FRMPD4: variants seen among roughly 807,000 people sequenced by gnomAD.
FRMPD4 encodes FERM and PDZ domain-containing protein 4.
A neutral mutation model predicts 94.1 loss-of-function variants in FRMPD4; 22 were observed. That is an observed-to-expected ratio of 0.23 (90% confidence interval 0.17 to 0.33). FRMPD4 has a LOEUF of 0.33. FRMPD4 is among the 10% of genes least tolerant of loss of function. The pLI is 1.00. For synonymous variants in FRMPD4, 631 were observed against 548.6 expected (o/e 1.15, Z -2.10); for missense variants, 1,111 against 1,339.9 (o/e 0.83, Z 2.67).
At chrX:12,590,665 A>T (rs1228691502) in intron 2 of FRMPD4, among the ~76,000 whole-genome samples, 1 of 112,234 alleles carries the variant, frequency 8.9e-6, no homozygotes, top group Non-Finnish European at 1.9e-5. Flanking sequence ...ATTATATGCC[A>T]TACACTGTCA....
intron 3 of FRMPD4, among the ~76,000 whole-genome samples, chrX:11,898,466 C>A (rs971085580): frequency 1.8e-5 from 2 of 111,634 alleles, no homozygotes; most frequent in African/African-American, 3.3e-5. Flanking sequence ...ACTCTAGATG[C>A]AGTCCCTGGA....
At chrX:12,261,099 A>G (rs531943273) in intron 1 of FRMPD4, among the ~76,000 whole-genome samples, 2 of 111,757 alleles carry the variant, frequency 1.8e-5, no homozygotes, top group East Asian at 5.6e-4. Context: ...CAGTTTCTGA[A>G]GCATAGTAGA....
intron 2 of FRMPD4, among the ~76,000 whole-genome samples, chrX:12,559,656 A>G (rs982934547): frequency 9.1e-6 from 1 of 109,646 alleles, no homozygotes; most frequent in African/African-American, 3.3e-5. Context: ...TCTCAAGGAA[A>G]AAAAAAAACA....
Position 12,194,425 on chromosome X carries a change from TTA to T in FRMPD4, c.41+55414_41+55415del, listed in dbSNP as rs767804326. Among the ~76,000 whole-genome samples, 37 of 90,336 alleles carry T rather than the reference TTA, an allele frequency of 4.1e-4. No individual in the cohort carries two copies. In the South Asian group the frequency reaches 0.017, roughly 41 times the overall value. The allele number at this position is 90,336 out of a possible 115,157, so 78.4% of individuals were successfully genotyped here. A position where few individuals can be genotyped will look rare whatever the true frequency, so the allele number is the denominator to read the frequency against. ...ACACATCACTGTTTTGTTCTAGTTA[TTA>T]AAAAAAAAAAAGGTAGCAGAGGTGA... On this transcript the variant is annotated intron_variant, in intron 1 of 16. Coordinates refer to ENST00000675598, the MANE Select transcript of FRMPD4 (RefSeq NM_001368397.1).
At chrX:12,095,773 A>G (rs1601934788) in intron 3 of FRMPD4, among the ~76,000 whole-genome samples, 2 of 112,449 alleles carry the variant, frequency 1.8e-5, no homozygotes, top group Middle Eastern at 9.2e-3. Context: ...TTCTTCCTCT[A>G]GAACAGCAAA....
At chrX:12,465,568 A>G (rs1359399111) in intron 1 of FRMPD4, among the ~76,000 whole-genome samples, 3 of 111,678 alleles carry the variant, frequency 2.7e-5, no homozygotes, top group Non-Finnish European at 3.8e-5. Context: ...CCACTGCCCT[A>G]TGTGCCTCAA....
intron 1 of FRMPD4, among the ~76,000 whole-genome samples, chrX:12,212,048 T>C (rs762815353): frequency 3.2e-4 from 36 of 111,655 alleles, no homozygotes; most frequent in Admixed American, 7.6e-4. Context: ...TGGCAGAAAC[T>C]TCCAGTTCCT....
intron 1 of FRMPD4, among the ~76,000 whole-genome samples, chrX:12,369,997 G>T (rs2056140768): frequency 1.8e-5 from 2 of 112,052 alleles, no homozygotes; most frequent in Non-Finnish European, 3.8e-5. Flanking sequence ...AATGGCTCTG[G>T]TTTTTTTATT....
chrX:12,464,674 G>T (rs2057430427), intron 1 of FRMPD4, among the ~76,000 whole-genome samples: 1 of 111,840 alleles, frequency 8.9e-6, no homozygotes, highest in Non-Finnish European at 1.9e-5. Context: ...GACGGCAAGG[G>T]CAAGTTATAT....
At chrX:12,201,568 C>T (rs1005236456) in intron 1 of FRMPD4, among the ~76,000 whole-genome samples, 5 of 111,912 alleles carry the variant, frequency 4.5e-5, no homozygotes, top group Non-Finnish European at 5.6e-5. Flanking sequence ...TGCATTAGCA[C>T]GTCAGAGGTG....
At chrX:12,329,613 CAG>C (rs764545360) in intron 1 of FRMPD4, among the ~76,000 whole-genome samples, 2 of 110,750 alleles carry the variant, frequency 1.8e-5, no homozygotes, top group Non-Finnish European at 3.8e-5. Context: ...CATCAGGAGT[CAG>C]AGAGACTTTC....
chrX:12,453,879 C>A (rs930649521), intron 1 of FRMPD4, among the ~76,000 whole-genome samples: 15 of 112,041 alleles, frequency 1.3e-4, no homozygotes, highest in Non-Finnish European at 2.6e-4. Context: ...GTTCTACGCT[C>A]CTCAATCGAA....
At chrX:12,111,169 A>G (rs995478761) in intron 3 of FRMPD4, among the ~76,000 whole-genome samples, 1 of 111,893 alleles carries the variant, frequency 8.9e-6, no homozygotes, top group East Asian at 2.8e-4. Flanking sequence ...ACTTCAAACT[A>G]TACTACAAGG....
At chrX:12,643,867 A>G (rs2059522566) in intron 4 of FRMPD4, among the ~76,000 whole-genome samples, 1 of 112,071 alleles carries the variant, frequency 8.9e-6, no homozygotes, top group African/African-American at 3.2e-5. Context: ...TCCCATTGGA[A>G]TCATCACATG....
At chrX:12,074,248 C>G (rs953109610) in intron 3 of FRMPD4, among the ~76,000 whole-genome samples, 1 of 111,558 alleles carries the variant, frequency 9.0e-6, no homozygotes, top group Non-Finnish European at 1.9e-5. Context: ...AAAAGATCAC[C>G]ACTACTGCTA....
intron 2 of FRMPD4, among the ~76,000 whole-genome samples, chrX:12,581,348 C>A (rs2058862594): frequency 8.9e-6 from 1 of 111,822 alleles, no homozygotes; most frequent in South Asian, 3.8e-4. Context: ...TGAGCATAAC[C>A]ATCCTCAATG....
intron 2 of FRMPD4, among the ~76,000 whole-genome samples, chrX:12,560,477 G>GAAAA (rs199808235): frequency 2.4e-5 from 2 of 82,866 alleles, no homozygotes; most frequent in South Asian, 6.6e-4. Context: ...CTTTAAAAAT[G>GAAAA]AAAAAAAAAA....
chrX:12,542,524 C>T (rs922040111), intron 2 of FRMPD4, among the ~76,000 whole-genome samples: 3 of 112,029 alleles, frequency 2.7e-5, no homozygotes, highest in African/African-American at 9.7e-5. Flanking sequence ...AGGAATTCAA[C>T]TTACAAGGGA....
At chrX:12,355,654 G>C (rs1277748611) in intron 1 of FRMPD4, among the ~76,000 whole-genome samples, 1 of 111,921 alleles carries the variant, frequency 8.9e-6, no homozygotes, top group Non-Finnish European at 1.9e-5. Flanking sequence ...TTCAAGATGA[G>C]TGTGAGTAGG....
Sources: gnomAD v4.1 joint callset for allele counts (sites outside exome capture counted in the v4.1 genomes callset) on GRCh38, gnomAD v4.1.1 for gene constraint, MANE v1.5 for transcripts, NCBI Gene and HGNC (gene_info 2026-07-23, HGNC 2026-07-21) for gene names.